The following PHACTR2 variants were observed in gnomAD, a reference collection of about 807,000 sequenced individuals.
PHACTR2 encodes phosphatase and actin regulator 2, also known as chromosome 6 open reading frame 56.
PHACTR2 carries 30 observed loss-of-function variants against 76.0 expected under a neutral mutation model. The ratio of observed to expected loss-of-function variants is 0.39; its 90% CI spans 0.30 to 0.54. The LOEUF (loss-of-function observed/expected upper bound fraction) is 0.54. Ranked by LOEUF, PHACTR2 falls within the 20% of genes least tolerant of loss-of-function variation. The pLI is 0.61. For synonymous variants in PHACTR2, 292 were observed against 292.5 expected, an observed-to-expected ratio of 1.00 and a Z score of 0.02; for missense variants, 696 against 781.1, an observed-to-expected ratio of 0.89 and a Z score of 1.30.
At chr6:143,650,175 C>T (rs1438787070) in intron 1 of PHACTR2, among the ~76,000 whole-genome samples, 16 of 152,108 alleles carry the variant, frequency 1.1e-4, no homozygotes, top group Admixed American at 1.0e-3. Flanking sequence ...AACCACTGCT[C>T]AGAGAAATCA....
chr6:143,740,670 C>T (rs1050534496), intron 2 of PHACTR2, among the ~76,000 whole-genome samples: 2 of 152,082 alleles, frequency 1.3e-5, no homozygotes, highest in Non-Finnish European at 2.9e-5. Context: ...ACACTGTATC[C>T]TTTTATAATT....
At chr6:143,790,543 A>G (rs1375442242) in intron 11 of PHACTR2, among the ~76,000 whole-genome samples, 1 of 152,070 alleles carries the variant, frequency 6.6e-6, no homozygotes, top group African/African-American at 2.4e-5. Flanking sequence ...TCATATGCCT[A>G]TTGGGCATTT....
At chr6:143,773,636 G>T (rs1195408430) in intron 7 of PHACTR2, among the ~76,000 whole-genome samples, 1 of 152,116 alleles carries the variant, frequency 6.6e-6, no homozygotes, top group African/African-American at 2.4e-5. Flanking sequence ...GACTCTGCCA[G>T]GATGGCGTCT....
rs951113427 is a variant in PHACTR2, at chr6:143,761,332, C to T, written c.694+692C>T. Among the ~76,000 whole-genome samples, 4 of 152,170 alleles carry T rather than the reference C, an allele frequency of 2.6e-5. No individual in the cohort carries two copies. The East Asian group carries it at 7.7e-4, about 29-fold the overall frequency. On this transcript the variant is annotated intron_variant, in intron 5 of 12. Transcript: ENST00000440869. This position sits in a 1 kb window ranked among gnomAD's most constrained non-coding sequence, Gnocchi z 5.2. Reference sequence around the variant, plus strand: ...AATCACCAGTGGATGTTTGAGTGACCTGCAATAACTCATGCAATATGTATC... The same window carrying T: ...AATCACCAGTGGATGTTTGAGTGACTTGCAATAACTCATGCAATATGTATC...
At chr6:143,603,351 T>G (rs1775834343), upstream of PHACTR2, among the ~76,000 whole-genome samples, 1 of 150,860 alleles carries the variant, frequency 6.6e-6, no homozygotes, top group South Asian at 2.1e-4. Flanking sequence ...GGGATTGGAC[T>G]CAACTTTGAA....
At chr6:143,770,217 T>A (rs1208814951) in intron 6 of PHACTR2, among the ~76,000 whole-genome samples, 1 of 152,196 alleles carries the variant, frequency 6.6e-6, no homozygotes, top group Non-Finnish European at 1.5e-5. Context: ...GAAGGAACCT[T>A]GAAGACATTA....
chr6:143,593,178 T>G (rs1165354771), intron 1 of PHACTR2, among the ~76,000 whole-genome samples: 1 of 151,926 alleles, frequency 6.6e-6, no homozygotes, highest in Admixed American at 6.6e-5. Context: ...TGTGTGGTTG[T>G]GTATTAGATG....
chr6:143,637,989 T>G (rs950917671), intron 1 of PHACTR2, among the ~76,000 whole-genome samples: 51 of 152,294 alleles, frequency 3.3e-4, no homozygotes, highest in Non-Finnish European at 4.1e-4. Flanking sequence ...GGGGGGATCA[T>G]CTAAGTGTCA....
chr6:143,595,474 A>G lies in PHACTR2; in HGVS notation c.217+58267A>G, dbSNP rs1375484294. Among the ~76,000 whole-genome samples, 1 of 152,208 alleles carries G rather than the reference A, an allele frequency of 6.6e-6. No individual in the cohort carries two copies. Among genetic ancestry groups the G allele is most frequent in the African/African-American group, 2.4e-5 (1 of 41,436 alleles). On this transcript the variant is annotated intron_variant, in intron 1 of 11. Transcript: ENST00000367584. The surrounding 1 kb of genome is among the most constrained non-coding windows in gnomAD (Gnocchi z 4.2). ...TGGTGCTGACTGCATTTGGAGCTTA[A>G]TTATTTAAATGTTTCCAGACTCAAA... is the stretch of plus-strand genomic sequence containing the variant.
In PHACTR2 at chr6:143,709,529, C is replaced by T. The variant is rs898512252; in HGVS notation, c.47-2487C>T. 3.3e-5 allele frequency among the ~76,000 whole-genome samples: 5 copies of T among 152,202 alleles called. No individual in the cohort carries two copies. The highest frequency in any genetic ancestry group is 1.2e-4 in the African/African-American group (5 of 41,444). On this transcript the variant is annotated intron_variant, in intron 1 of 12. Transcript: ENST00000440869. This position sits in a 1 kb window ranked among gnomAD's most constrained non-coding sequence, Gnocchi z 4.4. Reference sequence around the variant, plus strand: ...TGTATTATGTTATGTGACTCTAGATCTTGTTTGAAACCTTTGGTTTTAACT... The same window carrying T: ...TGTATTATGTTATGTGACTCTAGATTTTGTTTGAAACCTTTGGTTTTAACT...
Position 143,753,781 on chromosome 6 carries a change from A to G in PHACTR2, c.323A>G (p.Asn108Ser). ...GGAGATGTAACAGTTAACTTTGAAAATTCAAACGGGCACATGATACCCATC... is the reference window on the plus strand; with the variant it reads ...GGAGATGTAACAGTTAACTTTGAAAGTTCAAACGGGCACATGATACCCATC... ...QDGDVTVNFE[N>S]SNGHMIPIGE... The change falls in exon 4 of 13, where the codon AAT (asparagine) becomes AGT (serine). Residue 108 changes from asparagine (N) to serine (S), a missense_variant. Physicochemically the swap from Asn to Ser is conservative, Grantham distance 46 (BLOSUM62 1). This residue lies in a region of PHACTR2 where 460 missense variants were observed against 450.9 expected (regional missense o/e 1.02). Transcript: ENST00000440869. This position sits in a 1 kb window ranked among gnomAD's most constrained non-coding sequence, Gnocchi z 4.6. The G allele has an allele frequency of 6.2e-7, 1 of 1,601,414 alleles. No homozygotes were observed. The highest frequency in any genetic ancestry group is 8.5e-7 in the Non-Finnish European group (1 of 1,176,438).
Position 143,571,733 on chromosome 6 carries a change from A to T in PHACTR2, c.217+34526A>T, listed in dbSNP as rs1169564495. ...CATTTGCCATGCTCCCATCATTAAA[A>T]AAATCATTTCCTTACTTTCTGGGAC... On this transcript the variant is annotated intron_variant, in intron 1 of 11. Coordinates refer to the PHACTR2 transcript ENST00000367584. The surrounding 1 kb of genome is among the most constrained non-coding windows in gnomAD (Gnocchi z 4.6). Among the ~76,000 whole-genome samples the T allele has an allele frequency of 2.0e-5, 3 of 152,184 alleles. No individual in the cohort carries two copies. The highest frequency in any genetic ancestry group is 4.4e-5 in the Non-Finnish European group (3 of 68,044).
intron 4 of PHACTR2, among the ~76,000 whole-genome samples, chr6:143,758,987 C>T (rs1174198172): frequency 1.3e-5 from 2 of 152,100 alleles, no homozygotes; most frequent in African/African-American, 4.8e-5. Context: ...ATTATGGGAG[C>T]CTTGGTTAAG....
At position 143,617,402 on chromosome 6, in the gene PHACTR2, G is replaced by A. The variant is rs1411711312; in HGVS notation, c.13+9080G>A. Among the ~76,000 whole-genome samples the A allele has an allele frequency of 1.3e-5, 2 of 152,176 alleles. No individual in the cohort carries two copies. Among genetic ancestry groups the A allele is most frequent in the African/African-American group, 2.4e-5 (1 of 41,448 alleles). On this transcript the variant is annotated intron_variant, in intron 1 of 11. Coordinates refer to the PHACTR2 transcript ENST00000305766. The surrounding 1 kb of genome is among the most constrained non-coding windows in gnomAD (Gnocchi z 4.8). ...AGACATCTTTTATGTCTTCCAAAGAGTTAGAGTGGTCATTCTCAACTCTAG... is the reference window on the plus strand; with the variant it reads ...AGACATCTTTTATGTCTTCCAAAGAATTAGAGTGGTCATTCTCAACTCTAG...
chr6:143,785,327 C>G (rs944788511), intron 10 of PHACTR2, among the ~76,000 whole-genome samples: 3 of 152,210 alleles, frequency 2.0e-5, no homozygotes, highest in Middle Eastern at 3.2e-3. Flanking sequence ...CCAAAATTAT[C>G]TCCTTTGAAT....
intron 1 of PHACTR2, among the ~76,000 whole-genome samples, chr6:143,666,099 C>T (rs1408529986): frequency 6.6e-6 from 1 of 151,464 alleles, no homozygotes; most frequent in Non-Finnish European, 1.5e-5. Flanking sequence ...CATTGTTCAA[C>T]TCCCACTTAT....
rs1405226729 is a variant in PHACTR2 at position 143,549,702 on chromosome 6, ACTCCTCC to A, written c.217+12498_217+12504del. On this transcript the variant is annotated intron_variant, in intron 1 of 11. Coordinates refer to the PHACTR2 transcript ENST00000367584. This position sits in a 1 kb window ranked among gnomAD's most constrained non-coding sequence, Gnocchi z 4.2. The stretch of plus-strand genomic sequence containing the variant: ...CCCCTTCCTGAGCTGCCTGGCTGCC[ACTCCTCC>A]CTTCTTCTGCACACGCCTACTTTAA... Among the ~76,000 whole-genome samples the A allele has an allele frequency of 1.3e-5, 2 of 151,416 alleles. No individual in the cohort carries two copies. The highest frequency in any genetic ancestry group is 2.9e-5 in the Non-Finnish European group (2 of 67,810).
At position 143,807,116 on chromosome 6, in the gene PHACTR2, G is replaced by A. The variant is rs752288725; in HGVS notation, c.1905G>A (p.Glu635=). 1.2e-6 allele frequency: 2 copies of A among 1,604,856 alleles called. No homozygotes were observed. The highest frequency in any genetic ancestry group is 2.2e-5 in the South Asian group (2 of 90,562). Residue 635 remains glutamate (E), a synonymous_variant, in exon 12 of 13, where the codon GAG becomes GAA. Transcript: ENST00000440869. The surrounding 1 kb of genome is among the most constrained non-coding windows in gnomAD (Gnocchi z 5.5). ...GCACAGAAATGGAAGTTCATGAAGA[G>A]AGTCGACAGTTTACAAGGTAGGTGA... ...FKSTEMEVHE[E]SRQFTRFHRP
At chr6:143,545,947 A>G (rs956960896) in intron 1 of PHACTR2, among the ~76,000 whole-genome samples, 1 of 152,206 alleles carries the variant, frequency 6.6e-6, no homozygotes, top group Admixed American at 6.5e-5. Flanking sequence ...CCGTGTTTTC[A>G]GGCTAGCACA....
Sources: allele counts gnomAD v4.1 joint callset (sites outside exome capture counted in the v4.1 genomes callset), GRCh38; gene constraint gnomAD v4.1.1; regional missense constraint gnomAD v4.1.1; non-coding constraint Gnocchi (gnomAD v3.1); transcripts MANE v1.5; gene names NCBI Gene and HGNC (gene_info 2026-07-23, HGNC 2026-07-21).